RALYL: variants seen among roughly 807,000 people sequenced by gnomAD.
RALYL encodes the protein RNA-binding Raly-like protein.
Under a neutral mutation model 35.1 loss-of-function variants are expected in RALYL, and 29 were observed. The observed-to-expected ratio is 0.83, with a 90% CI of 0.61 to 1.13. The LOEUF (loss-of-function observed/expected upper bound fraction) is 1.13, where lower values mean the gene tolerates loss of function less well. Ranked by LOEUF, RALYL falls within the 50% of genes most tolerant of loss-of-function variation. The pLI is 0.00. For synonymous variants in RALYL, 120 were observed against 127.6 expected (o/e 0.94, Z 0.40); for missense variants, 359 against 360.4 (o/e 1.00, Z 0.03).
intron 4 of RALYL, among the ~76,000 whole-genome samples, chr8:84,840,762 TG>T (rs1398440302): frequency 6.6e-6 from 1 of 152,144 alleles, no homozygotes; most frequent in African/African-American, 2.4e-5. Flanking sequence ...GACTAACAAC[TG>T]ATCTCTCGGC....
In RALYL at chr8:84,598,480, T is replaced by C. The variant is rs146762397; in HGVS notation, c.256+68903T>C. 2.1e-3 allele frequency among the ~76,000 whole-genome samples: 322 copies of C among 152,288 alleles called. 2 individuals are homozygous for C. Among genetic ancestry groups the C allele is most frequent in the African/African-American group, 7.4e-3 (306 of 41,570 alleles). On this transcript the variant is annotated intron_variant, in intron 2 of 8. Transcript: ENST00000521268. Reference sequence around the variant, plus strand: ...CCTACATACCACATTATTTTATGAATATCGATTTGTGCTTGTGTCTAAACT... The same window carrying C: ...CCTACATACCACATTATTTTATGAACATCGATTTGTGCTTGTGTCTAAACT...
Position 84,356,002 on chromosome 8 carries a change from C to T in RALYL, c.-24+171578C>T, listed in dbSNP as rs537155264. On this transcript the variant is annotated intron_variant, in intron 1 of 8. Transcript: ENST00000521268. ...CTGTTCTCATGATAGTGAGTGAGTT[C>T]TTGGGAGATCTGATGGTTTAAAAGT... is the stretch of plus-strand genomic sequence containing the variant. Among the ~76,000 whole-genome samples, 144 of 149,822 alleles carry T rather than the reference C, an allele frequency of 9.6e-4. 5 individuals are homozygous for T. The highest frequency in any genetic ancestry group is 9.9e-4 in the Non-Finnish European group (67 of 67,530).
At chr8:84,654,685 T>C (rs1309418022) in intron 2 of RALYL, among the ~76,000 whole-genome samples, 1 of 152,120 alleles carries the variant, frequency 6.6e-6, no homozygotes, top group African/African-American at 2.4e-5. Flanking sequence ...ATACAACATT[T>C]ATCTTTCTGT....
At chr8:84,918,118 C>A (rs1382983410) in intron 8 of RALYL, among the ~76,000 whole-genome samples, 1 of 151,856 alleles carries the variant, frequency 6.6e-6, no homozygotes. Flanking sequence ...TATATGCTCC[C>A]TAAAAATACA....
At chr8:84,686,638 C>G (rs896324774) in intron 2 of RALYL, among the ~76,000 whole-genome samples, 2 of 152,196 alleles carry the variant, frequency 1.3e-5, no homozygotes, top group African/African-American at 4.8e-5. Flanking sequence ...CTCCTGACCT[C>G]AAATGATCCT....
At chr8:84,894,196 T>A (rs1468727170) in intron 8 of RALYL, among the ~76,000 whole-genome samples, 1 of 152,318 alleles carries the variant, frequency 6.6e-6, no homozygotes, top group Non-Finnish European at 1.5e-5. Context: ...TTTTTGAGAC[T>A]TTTTGTTTCT....
At chr8:84,608,081 T>G (rs1817544381) in intron 2 of RALYL, among the ~76,000 whole-genome samples, 1 of 152,114 alleles carries the variant, frequency 6.6e-6, no homozygotes, top group Non-Finnish European at 1.5e-5. Flanking sequence ...ACAAGCTGTT[T>G]ATGGACATGC....
At chr8:84,462,005 A>G (rs1312764039) in intron 1 of RALYL, among the ~76,000 whole-genome samples, 2 of 151,834 alleles carry the variant, frequency 1.3e-5, no homozygotes, top group East Asian at 3.9e-4. Flanking sequence ...CCATTACAGT[A>G]TCATACAAAA....
At chr8:84,333,591 C>T (rs113457123) in intron 1 of RALYL, among the ~76,000 whole-genome samples, 1 of 152,030 alleles carries the variant, frequency 6.6e-6, no homozygotes, top group Non-Finnish European at 1.5e-5. Context: ...TTTATCTGGC[C>T]GGGTCAACTT....
intron 1 of RALYL, among the ~76,000 whole-genome samples, chr8:84,430,506 A>T (rs568680562): frequency 9.6e-4 from 146 of 152,134 alleles, no homozygotes; most frequent in Non-Finnish European, 1.4e-3. Context: ...ACTACAAAAA[A>T]CATCTATTCT....
At chr8:84,909,844 C>T (rs1400558055) in intron 8 of RALYL, among the ~76,000 whole-genome samples, 1 of 152,012 alleles carries the variant, frequency 6.6e-6, no homozygotes, top group Non-Finnish European at 1.5e-5. Context: ...TAAGTTAAGC[C>T]TCAAAGTCTT....
At chr8:84,424,990 C>T (rs1447237546) in intron 1 of RALYL, among the ~76,000 whole-genome samples, 2 of 152,014 alleles carry the variant, frequency 1.3e-5, no homozygotes, top group African/African-American at 4.8e-5. Context: ...GCAGAGGTTA[C>T]TGCTGTCTTT....
chr8:84,381,119 A>C (rs75609924), intron 1 of RALYL, among the ~76,000 whole-genome samples: 1 of 151,910 alleles, frequency 6.6e-6, no homozygotes, highest in Non-Finnish European at 1.5e-5. Context: ...ACCAGGTAGT[A>C]AAGGGAAATT....
intron 2 of RALYL, among the ~76,000 whole-genome samples, chr8:84,719,916 C>T (rs1843583391): frequency 6.6e-6 from 1 of 151,986 alleles, no homozygotes; most frequent in African/African-American, 2.4e-5. Context: ...CTCATTATAC[C>T]CCAGCCCCTT....
At chr8:84,365,528 A>T (rs972269273) in intron 1 of RALYL, among the ~76,000 whole-genome samples, 1 of 152,242 alleles carries the variant, frequency 6.6e-6, no homozygotes, top group African/African-American at 2.4e-5. Context: ...AAAAATGAAC[A>T]ACTAAAAGGA....
intron 1 of RALYL, among the ~76,000 whole-genome samples, chr8:84,334,239 C>A (rs548630462): frequency 6.6e-6 from 1 of 152,006 alleles, no homozygotes; most frequent in Non-Finnish European, 1.5e-5. Context: ...TTTTATCTCA[C>A]CATATTCAGT....
chr8:84,462,250 G>A (rs532474655), intron 1 of RALYL, among the ~76,000 whole-genome samples: 21 of 151,410 alleles, frequency 1.4e-4, no homozygotes, highest in Non-Finnish European at 1.9e-4. Flanking sequence ...TCTTTGATGA[G>A]ATGTTCTTCA....
chr8:84,638,938 C>G (rs1315957910), intron 2 of RALYL, among the ~76,000 whole-genome samples: 1 of 54,850 alleles, frequency 1.8e-5, no homozygotes, highest in Non-Finnish European at 3.4e-5. Flanking sequence ...ACAATATAAC[C>G]CATATATATG....
chr8:84,884,487 A>T (rs1779694037), intron 7 of RALYL, among the ~76,000 whole-genome samples: 1 of 145,488 alleles, frequency 6.9e-6, no homozygotes, highest in Non-Finnish European at 1.5e-5. Context: ...AAAAAATTAT[A>T]TATACATATA....
Sources: gnomAD v4.1 joint callset for allele counts (sites outside exome capture counted in the v4.1 genomes callset) on GRCh38, gnomAD v4.1.1 for gene constraint, MANE v1.5 for transcripts, NCBI Gene and HGNC (gene_info 2026-07-23, HGNC 2026-07-21) for gene names.